SMOC2: variants seen among roughly 807,000 people sequenced by gnomAD.
The protein encoded by SMOC2 is SPARC-related modular calcium-binding protein 2.
SMOC2 carries 39 observed loss-of-function variants against 61.4 expected under a neutral mutation model. The ratio of observed to expected loss-of-function variants is 0.64; its 90% confidence interval spans 0.49 to 0.83. The LOEUF (loss-of-function observed/expected upper bound fraction) is 0.83. SMOC2 is among the 40% of genes least tolerant of loss of function. SMOC2 has a pLI of 0.00. For synonymous variants in SMOC2, 247 were observed against 239.9 expected, an observed-to-expected ratio of 1.03 and a Z score of -0.27; for missense variants, 556 against 592.9, an observed-to-expected ratio of 0.94 and a Z score of 0.65.
chr6:168,446,868 AAC>A (rs1416732619), intron 1 of SMOC2, among the ~76,000 whole-genome samples: 2 of 152,234 alleles, frequency 1.3e-5, no homozygotes, highest in African/African-American at 4.8e-5. Flanking sequence ...TAGATTTTTC[AAC>A]ACAGAGAGTC....
chr6:168,526,460 GC>G lies in SMOC2; in HGVS notation c.363+10del, dbSNP rs1783455592. 6.2e-7 allele frequency: 1 copy of G among 1,612,404 alleles called. No individual in the cohort carries two copies. On this transcript the variant is annotated intron_variant, in intron 3 of 12. Coordinates refer to ENST00000356284, the MANE Select transcript of SMOC2 (RefSeq NM_001166412.2). ...GACGGCACCTACAGTCAGGTTACCGGCCTTGCTTGGGAGGTTCTGCACCTGT... is the reference window on the plus strand; with the variant it reads ...GACGGCACCTACAGTCAGGTTACCGGCTTGCTTGGGAGGTTCTGCACCTGT...
intron 11 of SMOC2, among the ~76,000 whole-genome samples, chr6:168,653,542 C>A (rs9364266): frequency 0.033 from 5,083 of 152,262 alleles, 172 homozygotes; most frequent in East Asian, 0.21. Flanking sequence ...GAGGTGCAAA[C>A]CTGGGAACCA....
chr6:168,492,263 C>A (rs77201152), intron 1 of SMOC2, among the ~76,000 whole-genome samples: 6,702 of 152,250 alleles, frequency 0.044, 484 homozygotes, highest in African/African-American at 0.15. Context: ...TGGCCCCATC[C>A]TCTCCAAGAT....
chr6:168,441,202 G>C lies in SMOC2; in HGVS notation c.-169G>C. The C allele has an allele frequency of 9.9e-7, 1 of 1,007,418 alleles. No individual in the cohort carries two copies. The highest frequency in any genetic ancestry group is 1.3e-6 in the Non-Finnish European group (1 of 757,476). The allele number at this position is 1,007,418 out of a possible 1,614,324, so 62.4% of individuals were successfully genotyped here. On this transcript the variant is annotated 5_prime_UTR_variant, in exon 1 of 13. Transcript: ENST00000356284. Reference sequence around the variant, plus strand: ...CGCAAAGAACGCGGAGGACCTCTGGGTGCCTGCAGGGGAGCTGCTCCAGCC... The same window carrying C: ...CGCAAAGAACGCGGAGGACCTCTGGCTGCCTGCAGGGGAGCTGCTCCAGCC...
At chr6:168,458,291 G>A (rs1781637552) in intron 1 of SMOC2, among the ~76,000 whole-genome samples, 1 of 150,796 alleles carries the variant, frequency 6.6e-6, no homozygotes, top group Non-Finnish European at 1.5e-5. Flanking sequence ...TCCTGGGAGG[G>A]AGACGGTCTC....
At chr6:168,638,710 G>C (rs909657751) in intron 9 of SMOC2, among the ~76,000 whole-genome samples, 1 of 152,196 alleles carries the variant, frequency 6.6e-6, no homozygotes, top group Non-Finnish European at 1.5e-5. Context: ...CGGGCTGGGG[G>C]CCTGGGGTGG....
At chr6:168,519,637 C>G (rs1783279387) in intron 2 of SMOC2, among the ~76,000 whole-genome samples, 2 of 152,132 alleles carry the variant, frequency 1.3e-5, no homozygotes, top group Admixed American at 1.3e-4. Context: ...GTGGCACCAC[C>G]AAACCCAAGG....
At chr6:168,652,406 A>C (rs527485527) in intron 10 of SMOC2, among the ~76,000 whole-genome samples, 1 of 152,338 alleles carries the variant, frequency 6.6e-6, no homozygotes, top group South Asian at 2.1e-4. Flanking sequence ...CTCACGGAGA[A>C]GGTGCGTGTC....
chr6:168,637,890 G>C (rs993283234), intron 9 of SMOC2, among the ~76,000 whole-genome samples: 1 of 152,186 alleles, frequency 6.6e-6, no homozygotes, highest in South Asian at 2.1e-4. Flanking sequence ...GTGTCAATGT[G>C]TTTCCCAGGG....
intron 2 of SMOC2, among the ~76,000 whole-genome samples, chr6:168,518,311 C>T (rs2763243): frequency 1.3e-5 from 2 of 151,864 alleles, no homozygotes; most frequent in African/African-American, 2.4e-5. Flanking sequence ...TGTGAGAGGG[C>T]GTTTCTGTTG....
chr6:168,565,174 G>A (rs1784514586), intron 7 of SMOC2, among the ~76,000 whole-genome samples: 1 of 152,198 alleles, frequency 6.6e-6, no homozygotes, highest in African/African-American at 2.4e-5. Context: ...TTCAGTTAAG[G>A]AAATTTCCTT....
Position 168,469,377 on chromosome 6 carries a change from AAGG to A in SMOC2, c.84+27927_84+27929del, listed in dbSNP as rs528486036. ...CCCGAGGAAAGTTTGGCAAAACTGAAAGGAGGGACAGGCTTTGCTAGGGGTAAT... is the reference window on the plus strand; with the variant it reads ...CCCGAGGAAAGTTTGGCAAAACTGAAAGGGACAGGCTTTGCTAGGGGTAAT... On this transcript the variant is annotated intron_variant, in intron 1 of 12. Transcript: ENST00000356284. 1.2e-4 allele frequency among the ~76,000 whole-genome samples: 18 copies of A among 152,332 alleles called. No individual in the cohort carries two copies. The South Asian group carries it at 3.7e-3, about 32-fold the overall frequency.
intron 9 of SMOC2, among the ~76,000 whole-genome samples, chr6:168,613,785 C>T (rs1256228717): frequency 9.2e-6 from 1 of 108,942 alleles, no homozygotes; most frequent in African/African-American, 3.2e-5. Context: ...CTCTTCACAC[C>T]TACAGCCAGC....
intron 9 of SMOC2, among the ~76,000 whole-genome samples, chr6:168,613,636 C>A (rs139863577): frequency 0.022 from 3,285 of 151,366 alleles, 29 homozygotes; most frequent in Non-Finnish European, 0.034. Context: ...GGGGCCTCTT[C>A]ACACCTACAG....
chr6:168,517,653 T>G (rs1783175994), intron 2 of SMOC2, among the ~76,000 whole-genome samples: 1 of 152,232 alleles, frequency 6.6e-6, no homozygotes, highest in South Asian at 2.1e-4. Flanking sequence ...CTGCTCCTTC[T>G]GTTGCAGTTT....
At chr6:168,644,799 A>G (rs1786982432) in intron 9 of SMOC2, among the ~76,000 whole-genome samples, 1 of 151,736 alleles carries the variant, frequency 6.6e-6, no homozygotes. Flanking sequence ...ATAGGCATGT[A>G]CCACCATGGC....
intron 1 of SMOC2, among the ~76,000 whole-genome samples, chr6:168,459,057 C>T (rs1355559150): frequency 6.6e-6 from 1 of 152,194 alleles, no homozygotes; most frequent in Non-Finnish European, 1.5e-5. Flanking sequence ...CAAATAAACT[C>T]TATTCCCCAC....
intron 7 of SMOC2, among the ~76,000 whole-genome samples, chr6:168,595,497 C>G (rs4708754): frequency 0.63 from 95,325 of 152,070 alleles, 30,192 homozygotes; most frequent in Middle Eastern, 0.73. Flanking sequence ...CTGGGGTGCC[C>G]CAGGAGGGAG....
chr6:168,609,914 T>A (rs4708762), intron 9 of SMOC2, among the ~76,000 whole-genome samples: 34,555 of 152,124 alleles, frequency 0.23, 4,130 homozygotes, highest in Non-Finnish European at 0.25. Context: ...GGAAGTCAGT[T>A]TCGCTTCTCA....
Sources: allele counts gnomAD v4.1 joint callset (sites outside exome capture counted in the v4.1 genomes callset), GRCh38; gene constraint gnomAD v4.1.1; transcripts MANE v1.5; gene names NCBI Gene and HGNC (gene_info 2026-07-23, HGNC 2026-07-21).